Variants in PPM1H observed in about 807,000 individuals in gnomAD.
The protein encoded by PPM1H is protein phosphatase, Mg2+/Mn2+ dependent 1H.
PPM1H carries 27 observed loss-of-function variants against 54.9 expected under a neutral mutation model. That is an observed-to-expected ratio of 0.49 (90% CI 0.36 to 0.68). The LOEUF is 0.68. Ranked by LOEUF, PPM1H falls within the 30% of genes least tolerant of loss-of-function variation. The pLI, the probability that PPM1H is intolerant of heterozygous loss-of-function variation, is 0.00. For synonymous variants in PPM1H, 305 were observed against 270.8 expected (o/e 1.13, Z -1.24); for missense variants, 596 against 667.8 (o/e 0.89, Z 1.19).
intron 1 of PPM1H, among the ~76,000 whole-genome samples, chr12:62,931,233 C>T (rs2121193732): frequency 6.6e-6 from 1 of 152,298 alleles, no homozygotes; most frequent in East Asian, 1.9e-4. Context: ...AAACAGATCA[C>T]TTCTGATTCA....
intron 1 of PPM1H, among the ~76,000 whole-genome samples, chr12:62,833,487 G>A (rs1868412345): frequency 1.3e-5 from 2 of 152,052 alleles, no homozygotes; most frequent in African/African-American, 2.4e-5. Context: ...TATCAAAACT[G>A]AGAAAATGAC....
At chr12:62,878,535 C>T (rs1294663735) in intron 1 of PPM1H, among the ~76,000 whole-genome samples, 1 of 149,800 alleles carries the variant, frequency 6.7e-6, no homozygotes, top group African/African-American at 2.5e-5. Context: ...TTAAGGAATC[C>T]TACCAGTCCT....
At position 62,841,094 on chromosome 12, in the gene PPM1H, A is replaced by C. The variant is rs76280777; in HGVS notation, c.246-8815T>G. Among the ~76,000 whole-genome samples, 1,232 of 152,220 alleles carry C rather than the reference A, an allele frequency of 8.1e-3. 22 individuals are homozygous for C. The highest frequency in any genetic ancestry group is 0.028 in the African/African-American group (1,172 of 41,536). ...CCAAAATGGCAGAATGAGGAGAATG[A>C]GGTGCCACTGATAATGAAGGGAGGT... On this transcript the variant is annotated intron_variant, in intron 1 of 9. Coordinates refer to ENST00000228705, the MANE Select transcript of PPM1H (RefSeq NM_020700.2).
At chr12:62,773,019 G>A (rs1427653033) in intron 4 of PPM1H, among the ~76,000 whole-genome samples, 11 of 152,166 alleles carry the variant, frequency 7.2e-5, no homozygotes, top group African/African-American at 1.4e-4. Context: ...ATGGTGGCGC[G>A]CGCTTGTAGT....
chr12:62,677,034 A>G (rs548319559), intron 8 of PPM1H, among the ~76,000 whole-genome samples: 5 of 152,220 alleles, frequency 3.3e-5, no homozygotes, highest in African/African-American at 9.6e-5. Context: ...GAAGCCTGTA[A>G]AAACCCCAGA....
At chr12:62,658,437 G>A (rs927742733) in intron 9 of PPM1H, among the ~76,000 whole-genome samples, 6 of 151,912 alleles carry the variant, frequency 3.9e-5, no homozygotes, top group African/African-American at 1.2e-4. Context: ...TCTTCTCTGA[G>A]TGTTTACATA....
At chr12:62,859,922 C>T (rs79329397) in intron 1 of PPM1H, among the ~76,000 whole-genome samples, 4,683 of 152,276 alleles carry the variant, frequency 0.031, 275 homozygotes, top group African/African-American at 0.11. Flanking sequence ...ACAGCATGCG[C>T]TAACAGAGAA....
chr12:62,692,888 C>A (rs1178769635), intron 7 of PPM1H, among the ~76,000 whole-genome samples: 1 of 150,964 alleles, frequency 6.6e-6, no homozygotes, highest in Admixed American at 6.6e-5. Flanking sequence ...CTGGTCTACA[C>A]GGAGCCCAAA....
rs148480733 is a variant in PPM1H, at chr12:62,681,375, G to A, written c.1245+8324C>T. 8.0e-4 allele frequency among the ~76,000 whole-genome samples: 122 copies of A among 152,052 alleles called. 1 individual carries two copies. Among genetic ancestry groups the A allele is most frequent in the African/African-American group, 2.8e-3 (114 of 41,454 alleles). On this transcript the variant is annotated intron_variant, in intron 8 of 9. Coordinates refer to ENST00000228705, the MANE Select transcript of PPM1H (RefSeq NM_020700.2). ...GTTTCCACGGTCCCTTCCCCAGTTCGGCTCCTCACTGCCACAGTCTCAGTC... is the reference window on the plus strand; with the variant it reads ...GTTTCCACGGTCCCTTCCCCAGTTCAGCTCCTCACTGCCACAGTCTCAGTC...
chr12:62,694,902 C>T (rs1297108816), intron 6 of PPM1H, among the ~76,000 whole-genome samples: 3 of 152,142 alleles, frequency 2.0e-5, no homozygotes, highest in African/African-American at 7.2e-5. Context: ...CGTGGCATAC[C>T]GGTTCCCCTT....
chr12:62,694,246 A>G (rs768684195), intron 6 of PPM1H, among the ~76,000 whole-genome samples: 2 of 152,180 alleles, frequency 1.3e-5, no homozygotes, highest in Non-Finnish European at 2.9e-5. Context: ...ATAATTAGCA[A>G]AAAGGGGAGA....
At chr12:62,703,697 C>T (rs2076156939) in intron 6 of PPM1H, among the ~76,000 whole-genome samples, 1 of 152,132 alleles carries the variant, frequency 6.6e-6, no homozygotes, top group Non-Finnish European at 1.5e-5. Context: ...AAGAGCTTGG[C>T]ATGACCCCAG....
In PPM1H at chr12:62,801,976, G is replaced by A. The variant is rs768617066; in HGVS notation, c.596C>T (p.Thr199Met). The change falls in exon 3 of 10, where the codon ACG (threonine) becomes ATG (methionine). Residue 199 changes from threonine to methionine, a missense_variant. Thr to Met is a moderately conservative substitution (Grantham distance 81, BLOSUM62 -1). Around this residue, in one of 3 missense-constraint regions of PPM1H, gnomAD observed 382 missense variants for 387.1 expected, o/e 0.99. Coordinates refer to ENST00000228705, the MANE Select transcript of PPM1H (RefSeq NM_020700.2). The stretch of plus-strand genomic sequence containing the variant: ...GGTCAGAGTCCGGCTGTTGGCGGGC[G>A]TGTTCTCAGGCTCCTCCCCCAGGCA... Reference protein sequence around the residue: ...PTCLGEEPENTPANSRTLTRA... With the variant: ...PTCLGEEPENMPANSRTLTRA... 8.1e-6 allele frequency: 13 copies of A among 1,612,782 alleles called. No homozygotes were observed. The highest frequency in any genetic ancestry group is 1.6e-4 in the Middle Eastern group (1 of 6,076).
intron 1 of PPM1H, among the ~76,000 whole-genome samples, chr12:62,907,992 G>T (rs1871349656): frequency 6.6e-6 from 1 of 152,152 alleles, no homozygotes; most frequent in African/African-American, 2.4e-5. Context: ...AGGCAGAAAA[G>T]AAATTAACAT....
intron 4 of PPM1H, among the ~76,000 whole-genome samples, chr12:62,740,204 G>A (rs888257663): frequency 1.4e-4 from 21 of 151,970 alleles, no homozygotes; most frequent in Admixed American, 5.2e-4. Context: ...CTACTCCCTC[G>A]CCTCCCATGG....
At chr12:62,837,667 A>G (rs1240685943) in intron 1 of PPM1H, among the ~76,000 whole-genome samples, 1 of 152,224 alleles carries the variant, frequency 6.6e-6, no homozygotes, top group Non-Finnish European at 1.5e-5. Context: ...CCCATCAGAA[A>G]AGAGTTATGA....
intron 6 of PPM1H, among the ~76,000 whole-genome samples, chr12:62,715,918 A>T (rs2076232140): frequency 6.6e-6 from 1 of 152,184 alleles, no homozygotes; most frequent in Admixed American, 6.5e-5. Flanking sequence ...ACCCTATAGG[A>T]TCGTCAAGAC....
At chr12:62,662,632 T>G (rs1225409835) in intron 9 of PPM1H, among the ~76,000 whole-genome samples, 1 of 152,146 alleles carries the variant, frequency 6.6e-6, no homozygotes, top group African/African-American at 2.4e-5. Flanking sequence ...TTTCCCAAGA[T>G]CCTAAATCTA....
rs181028491 is a variant in PPM1H at position 62,898,512 on chromosome 12, C to T, written c.245+35980G>A. ...TATAAACAGCTTTAAAAATACTTAC[C>T]TTTAGGGTGGTTTTCAAAACAGTGC... On this transcript the variant is annotated intron_variant, in intron 1 of 9. Coordinates refer to ENST00000228705, the MANE Select transcript of PPM1H (RefSeq NM_020700.2). Among the ~76,000 whole-genome samples the T allele has an allele frequency of 4.5e-3, 678 of 152,194 alleles. 4 individuals carry two copies. The highest frequency in any genetic ancestry group is 0.015 in the African/African-American group (637 of 41,526).
Sources: allele counts gnomAD v4.1 joint callset (sites outside exome capture counted in the v4.1 genomes callset), GRCh38; gene constraint gnomAD v4.1.1; regional missense constraint gnomAD v4.1.1; transcripts MANE v1.5; gene names NCBI Gene and HGNC (gene_info 2026-07-23, HGNC 2026-07-21).